The following LRRTM4 variants were observed in gnomAD, a reference collection of about 807,000 sequenced individuals.
LRRTM4 encodes leucine-rich repeat transmembrane neuronal protein 4.
In LRRTM4, 25 loss-of-function variants were observed where a neutral mutation model predicts 47.6. The ratio of observed to expected loss-of-function variants is 0.53; its 90% confidence interval spans 0.38 to 0.73. The LOEUF (loss-of-function observed/expected upper bound fraction) is 0.73, where lower values mean the gene tolerates loss of function less well. LRRTM4 is among the 30% of genes least tolerant of loss of function. The probability of loss-of-function intolerance (pLI) is 0.00; values close to 1 mark genes in which losing one functional copy is unlikely to be tolerated. For synonymous variants in LRRTM4, 311 were observed against 269.5 expected (o/e 1.15, Z -1.51); for missense variants, 638 against 713.4 (o/e 0.89, Z 1.20).
At chr2:77,176,331 T>C (rs898487799) in intron 3 of LRRTM4, among the ~76,000 whole-genome samples, 1 of 152,150 alleles carries the variant, frequency 6.6e-6, no homozygotes, top group African/African-American at 2.4e-5. Context: ...ATACAGATTG[T>C]CAAATTAGGA....
chr2:76,912,915 G>A (rs1415489511), intron 3 of LRRTM4, among the ~76,000 whole-genome samples: 1 of 152,140 alleles, frequency 6.6e-6, no homozygotes, highest in Non-Finnish European at 1.5e-5. Flanking sequence ...AAGCCGCTAT[G>A]CTTCCTGTAC....
intron 3 of LRRTM4, among the ~76,000 whole-genome samples, chr2:76,900,319 A>G (rs1250965491): frequency 2.1e-5 from 3 of 145,040 alleles, no homozygotes; most frequent in Non-Finnish European, 4.5e-5. Flanking sequence ...TGATATATAT[A>G]GTTTTTTGTA....
At position 77,106,581 on chromosome 2, in the gene LRRTM4, A is replaced by C. The variant is rs558958217; in HGVS notation, c.1552-357665T>G. ...TGAAGAGAAAAATATTTATAAGGCTAAAAAAGATATAAACACTTGTAGTGA... is the reference window on the plus strand; with the variant it reads ...TGAAGAGAAAAATATTTATAAGGCTCAAAAAGATATAAACACTTGTAGTGA... On this transcript the variant is annotated intron_variant, in intron 3 of 3. Coordinates refer to ENST00000409884, the MANE Select transcript of LRRTM4 (RefSeq NM_001134745.3). 4.2e-4 allele frequency among the ~76,000 whole-genome samples: 64 copies of C among 152,286 alleles called. No homozygotes were observed. The South Asian group carries it at 0.013, about 31-fold the overall frequency.
chr2:77,321,404 A>G (rs1430470596), intron 3 of LRRTM4, among the ~76,000 whole-genome samples: 3 of 152,026 alleles, frequency 2.0e-5, no homozygotes, highest in African/African-American at 4.8e-5. Flanking sequence ...GTTTTACATA[A>G]CCAGAAGGCA....
intron 3 of LRRTM4, among the ~76,000 whole-genome samples, chr2:77,045,637 T>C (rs1318032146): frequency 1.3e-5 from 2 of 151,978 alleles, no homozygotes; most frequent in Non-Finnish European, 2.9e-5. Context: ...GGAGGAGTTT[T>C]CCTGCACAAG....
Position 77,238,155 on chromosome 2 carries a change from C to T in LRRTM4, c.1551+280163G>A, listed in dbSNP as rs1378610378. On this transcript the variant is annotated intron_variant, in intron 3 of 3. Coordinates refer to ENST00000409884, the MANE Select transcript of LRRTM4 (RefSeq NM_001134745.3). ...AAGTTGGTTTTAGCTGTTCTTGTCA[C>T]AAGTAAAGCTATTATATCAGATGCT... Among the ~76,000 whole-genome samples, 3 of 152,154 alleles carry T rather than the reference C, an allele frequency of 2.0e-5. No individual in the cohort carries two copies. The South Asian group carries it at 6.2e-4, about 32-fold the overall frequency.
intron 3 of LRRTM4, among the ~76,000 whole-genome samples, chr2:76,797,080 G>A (rs1235368773): frequency 6.6e-6 from 1 of 151,980 alleles, no homozygotes; most frequent in Admixed American, 6.5e-5. Flanking sequence ...ATCTAGCAAG[G>A]CAGGCCAACG....
intron 3 of LRRTM4, among the ~76,000 whole-genome samples, chr2:77,498,224 T>C (rs1303987328): frequency 6.6e-6 from 1 of 151,880 alleles, no homozygotes; most frequent in African/African-American, 2.4e-5. Flanking sequence ...CATCAAGAGT[T>C]TAACCATATC....
chr2:77,388,984 T>G (rs771403207), intron 3 of LRRTM4, among the ~76,000 whole-genome samples: 13 of 152,102 alleles, frequency 8.5e-5, no homozygotes, highest in Non-Finnish European at 1.8e-4. Flanking sequence ...ATTGAGAAGT[T>G]CTAAGGATAG....
intron 3 of LRRTM4, among the ~76,000 whole-genome samples, chr2:77,210,109 T>C (rs957243899): frequency 6.6e-6 from 1 of 152,206 alleles, no homozygotes; most frequent in African/African-American, 2.4e-5. Flanking sequence ...ATTAATAATG[T>C]TGCTGCTGCT....
chr2:77,006,992 G>A lies in LRRTM4; in HGVS notation c.1552-258076C>T, dbSNP rs185605591. On this transcript the variant is annotated intron_variant, in intron 3 of 3. Coordinates refer to ENST00000409884, the MANE Select transcript of LRRTM4 (RefSeq NM_001134745.3). ...ACAAAAGATGAGCTTTATAGAAAGA[G>A]GAATACCTAATAGGATGGGAATGTT... Among the ~76,000 whole-genome samples, 27 of 152,160 alleles carry A rather than the reference G, an allele frequency of 1.8e-4. No homozygotes were observed. In the Middle Eastern group the frequency reaches 0.01, roughly 58 times the overall value.
rs1037388898 is a variant in LRRTM4 at position 77,521,799 on chromosome 2, A to G, written c.-128T>C. 17 of 871,268 alleles carry G rather than the reference A, an allele frequency of 2.0e-5. No homozygotes were observed. The highest frequency in any genetic ancestry group is 1.7e-4 in the African/African-American group (10 of 58,338). The allele number at this position is 871,268 out of a possible 1,614,324, so 54.0% of individuals were successfully genotyped here. A position where few individuals can be genotyped will look rare whatever the true frequency, so the allele number is the denominator to read the frequency against. ...TCACACCATTCTGATCCCGCATGTG[A>G]GCTAGTAGCCCCATACAAACTTCCC... On this transcript the variant is annotated 5_prime_UTR_variant, in exon 2 of 4. Transcript: ENST00000409884.
intron 3 of LRRTM4, among the ~76,000 whole-genome samples, chr2:77,049,612 C>T (rs1240131479): frequency 2.0e-5 from 3 of 151,536 alleles, no homozygotes; most frequent in Non-Finnish European, 2.9e-5. Flanking sequence ...TGTCCTCTCA[C>T]CTTATTTGCC....
At chr2:77,049,871 C>G (rs1021732231) in intron 3 of LRRTM4, among the ~76,000 whole-genome samples, 2 of 151,820 alleles carry the variant, frequency 1.3e-5, no homozygotes, top group Admixed American at 6.6e-5. Context: ...TTGCCCAGAC[C>G]AATGTTCTTT....
chr2:76,778,679 C>T (rs568729921), intron 3 of LRRTM4, among the ~76,000 whole-genome samples: 239 of 151,882 alleles, frequency 1.6e-3, no homozygotes, highest in African/African-American at 4.7e-3. Context: ...TGCTAGCGGT[C>T]TATCAATTTT....
intron 3 of LRRTM4, among the ~76,000 whole-genome samples, chr2:77,006,788 G>T (rs1677668174): frequency 6.6e-6 from 1 of 152,154 alleles, no homozygotes; most frequent in Non-Finnish European, 1.5e-5. Flanking sequence ...CTGCTCACAA[G>T]AAACAGGCAA....
At chr2:77,192,747 C>T (rs1352575652) in intron 3 of LRRTM4, among the ~76,000 whole-genome samples, 1 of 152,102 alleles carries the variant, frequency 6.6e-6, no homozygotes, top group Non-Finnish European at 1.5e-5. Context: ...TATTGTGTGT[C>T]CAGATGTGAT....
intron 3 of LRRTM4, among the ~76,000 whole-genome samples, chr2:77,030,867 G>A (rs1203334819): frequency 6.6e-6 from 1 of 152,156 alleles, no homozygotes; most frequent in African/African-American, 2.4e-5. Flanking sequence ...ATATTTTGAA[G>A]TAACTGTTCT....
At chr2:77,414,442 C>A (rs1274947412) in intron 3 of LRRTM4, among the ~76,000 whole-genome samples, 1 of 152,142 alleles carries the variant, frequency 6.6e-6, no homozygotes, top group African/African-American at 2.4e-5. Flanking sequence ...CTCCCCAGAC[C>A]TTGTCTTGAT....
Sources: allele counts gnomAD v4.1 joint callset (sites outside exome capture counted in the v4.1 genomes callset), GRCh38; gene constraint gnomAD v4.1.1; transcripts MANE v1.5; gene names NCBI Gene and HGNC (gene_info 2026-07-23, HGNC 2026-07-21).